Variants in CPXM2 observed in about 807,000 individuals in gnomAD.
CPXM2 encodes the protein inactive carboxypeptidase-like protein X2.
A neutral mutation model predicts 86.1 loss-of-function variants in CPXM2; 66 were observed. That is an observed-to-expected ratio of 0.77 (90% CI 0.63 to 0.94). The LOEUF (loss-of-function observed/expected upper bound fraction) is 0.94. CPXM2 is among the 40% of genes least tolerant of loss of function. The pLI, the probability that CPXM2 is intolerant of heterozygous loss-of-function variation, is 0.00. For missense variants in CPXM2, 948 were observed against 1,026.3 expected (o/e 0.92, Z 1.04); for synonymous variants, 388 against 400.2 (o/e 0.97, Z 0.36).
intron 11 of CPXM2, among the ~76,000 whole-genome samples, chr10:123,760,742 G>A (rs905951832): frequency 2.4e-4 from 36 of 152,080 alleles, no homozygotes; most frequent in African/African-American, 7.5e-4. Context: ...TTCCACCTGC[G>A]TAATCCTCAC....
rs2138920 is a variant in CPXM2 at position 123,917,500 on chromosome 10, T to G, written n.174+21977A>C. Among the ~76,000 whole-genome samples, 1,034 of 152,352 alleles carry G rather than the reference T, an allele frequency of 6.8e-3. 33 individuals are homozygous for G. The highest frequency in any genetic ancestry group is 0.066 in the East Asian group (343 of 5,180). ...ATTATAATGGGCTTCAGAATTCATT[T>G]GACGTTTTTCTTGCTATTTTGTACA... On this transcript the variant is annotated intron_variant and non_coding_transcript_variant, in intron 2 of 19. Coordinates refer to the CPXM2 transcript ENST00000368854.
Position 123,891,317 on chromosome 10 carries a change from G to A in CPXM2, c.304+39C>T, listed in dbSNP as rs1945265107. The stretch of plus-strand genomic sequence containing the variant: ...TGTCCCCTGGAGGCGCGCAACCACC[G>A]GCGCCCCCTCGGGCTGCCCAGCGCA... On this transcript the variant is annotated intron_variant, in intron 1 of 13. Transcript: ENST00000241305. This position sits in a 1 kb window ranked among gnomAD's most constrained non-coding sequence, Gnocchi z 5.6. 1.4e-6 allele frequency: 2 copies of A among 1,437,034 alleles called. No homozygotes were observed. The highest frequency in any genetic ancestry group is 1.5e-5 in the African/African-American group (1 of 67,966). 89.0% of individuals were successfully genotyped at this position (1,437,034 alleles called of 1,614,324 possible).
chr10:123,787,960 C>T lies in CPXM2; in HGVS notation c.890-7705G>A, dbSNP rs191556592. ...CTCTTCTTTTCTTATCCCCCCAGTTCCCCACTTCCTACTTAGCCCTTTAGA... is the reference window on the plus strand; with the variant it reads ...CTCTTCTTTTCTTATCCCCCCAGTTTCCCACTTCCTACTTAGCCCTTTAGA... On this transcript the variant is annotated intron_variant, in intron 6 of 13. Transcript: ENST00000241305. 3.0e-4 allele frequency among the ~76,000 whole-genome samples: 46 copies of T among 152,152 alleles called. No homozygotes were observed. In the East Asian group the frequency reaches 8.9e-3, roughly 29 times the overall value.
intron 13 of CPXM2, among the ~76,000 whole-genome samples, chr10:123,753,845 C>G (rs1846135224): frequency 6.6e-6 from 1 of 152,204 alleles, no homozygotes; most frequent in African/African-American, 2.4e-5. Context: ...ATTTTGTACC[C>G]TCCATTCAAA....
intron 1 of CPXM2, among the ~76,000 whole-genome samples, chr10:123,939,692 G>A (rs1045409138): frequency 4.9e-4 from 75 of 152,304 alleles, no homozygotes; most frequent in African/African-American, 1.8e-3. Flanking sequence ...CCGGGCCTAA[G>A]GAGAGGCTGT....
At chr10:123,911,938 G>T (rs1234143864) in intron 2 of CPXM2, among the ~76,000 whole-genome samples, 1 of 152,140 alleles carries the variant, frequency 6.6e-6, no homozygotes, top group East Asian at 1.9e-4. Flanking sequence ...AGAGACTGAG[G>T]CAAGCTTCAG....
At chr10:123,830,111 T>C (rs1848134377) in intron 4 of CPXM2, among the ~76,000 whole-genome samples, 3 of 152,192 alleles carry the variant, frequency 2.0e-5, no homozygotes, top group Admixed American at 6.5e-5. Flanking sequence ...GCTTTCTTAC[T>C]CCTTCTAAAG....
rs1847591221 is a variant in CPXM2 at position 123,806,907 on chromosome 10, G to C, written c.654-7708C>G. Among the ~76,000 whole-genome samples the C allele has an allele frequency of 2.6e-5, 4 of 152,190 alleles. No homozygotes were observed. In the South Asian group the frequency reaches 8.3e-4, roughly 32 times the overall value. On this transcript the variant is annotated intron_variant, in intron 4 of 13. Coordinates refer to ENST00000241305, the MANE Select transcript of CPXM2 (RefSeq NM_198148.3). ...GGATTACAATTCAAGATGAGATTTG[G>C]GCAGGGACACAGAGCCAAACCATAT... is the stretch of plus-strand genomic sequence containing the variant.
chr10:123,764,464 C>T (rs1846422330), intron 10 of CPXM2, among the ~76,000 whole-genome samples: 2 of 151,838 alleles, frequency 1.3e-5, no homozygotes, highest in African/African-American at 4.8e-5. Context: ...TTGATTTTTG[C>T]CCTTGCTTTT....
intron 2 of CPXM2, among the ~76,000 whole-genome samples, chr10:123,867,074 A>G (rs984554784): frequency 2.6e-5 from 4 of 152,226 alleles, no homozygotes; most frequent in African/African-American, 9.6e-5. Context: ...CTACACACTG[A>G]GCCAGCTGGG....
chr10:123,814,755 G>T (rs1006904205), intron 4 of CPXM2, among the ~76,000 whole-genome samples: 1 of 152,150 alleles, frequency 6.6e-6, no homozygotes, highest in Non-Finnish European at 1.5e-5. Context: ...CAGGTGCAGT[G>T]GTTCATGCCT....
At position 123,862,739 on chromosome 10, in the gene CPXM2, G is replaced by A. The variant is rs1429153224; in HGVS notation, c.404-16C>T. The A allele has an allele frequency of 6.3e-7, 1 of 1,596,194 alleles. No homozygotes were observed. The highest frequency in any genetic ancestry group is 8.6e-7 in the Non-Finnish European group (1 of 1,164,570). ...GGTGGGCAACCTGGAAAGGACAAATGCTTGTTAAAAACAACGACAGATGCT... is the reference window on the plus strand; with the variant it reads ...GGTGGGCAACCTGGAAAGGACAAATACTTGTTAAAAACAACGACAGATGCT... On this transcript the variant is annotated splice_polypyrimidine_tract_variant and intron_variant, in intron 2 of 13. Transcript: ENST00000241305.
chr10:123,935,841 T>C (rs1945711205), intron 2 of CPXM2, among the ~76,000 whole-genome samples: 1 of 97,134 alleles, frequency 1.0e-5, no homozygotes, highest in Admixed American at 1.0e-4. Context: ...CACCAGCGTC[T>C]TGACCATCAT....
At chr10:123,799,251 T>C (rs771767850) in intron 4 of CPXM2, 52 bp from the exon 5 acceptor site, 1 of 1,607,212 alleles carries the variant, frequency 6.2e-7, no homozygotes, top group Non-Finnish European at 8.5e-7. Context: ...ATGTTTGTTC[T>C]TCCATGAAGA....
chr10:123,891,285 A>G lies in CPXM2; in HGVS notation c.304+71T>C. 7.9e-7 allele frequency: 1 copy of G among 1,262,252 alleles called. No homozygotes were observed. Among genetic ancestry groups the G allele is most frequent in the Non-Finnish European group, 1.1e-6 (1 of 932,736 alleles). The allele number at this position is 1,262,252 out of a possible 1,614,324, so 78.2% of individuals were successfully genotyped here. ...CATCCCAGACACACACAATGGGAGA[A>G]GCCAGTTGTCCCCTGGAGGCGCGCA... On this transcript the variant is annotated intron_variant, in intron 1 of 13. Transcript: ENST00000241305. This position sits in a 1 kb window ranked among gnomAD's most constrained non-coding sequence, Gnocchi z 5.6.
At chr10:123,831,951 G>A (rs1042681045) in intron 4 of CPXM2, among the ~76,000 whole-genome samples, 4 of 143,134 alleles carry the variant, frequency 2.8e-5, no homozygotes, top group East Asian at 2.2e-4. Context: ...CGGGGGTGGG[G>A]GGCGTGCCAG....
At chr10:123,789,633 T>C (rs915833394) in intron 6 of CPXM2, among the ~76,000 whole-genome samples, 1 of 152,172 alleles carries the variant, frequency 6.6e-6, no homozygotes, top group Admixed American at 6.5e-5. Flanking sequence ...ACTCAAAGAA[T>C]TTTCCCAGCA....
chr10:123,808,706 C>A (rs754303288), intron 4 of CPXM2, among the ~76,000 whole-genome samples: 1 of 152,066 alleles, frequency 6.6e-6, no homozygotes, highest in East Asian at 1.9e-4. Context: ...ATTATTTATA[C>A]AATTTTTAAA....
upstream of CPXM2, among the ~76,000 whole-genome samples, chr10:123,942,874 T>C (rs1945790096): frequency 6.6e-6 from 1 of 152,242 alleles, no homozygotes; most frequent in Non-Finnish European, 1.5e-5. Context: ...ACATATATGA[T>C]GATGGTCCCA....
Sources: allele counts gnomAD v4.1 joint callset (sites outside exome capture counted in the v4.1 genomes callset), GRCh38; gene constraint gnomAD v4.1.1; non-coding constraint Gnocchi (gnomAD v3.1); transcripts MANE v1.5; gene names NCBI Gene and HGNC (gene_info 2026-07-23, HGNC 2026-07-21).